The following EIF2AK4 variants were observed in gnomAD, a reference collection of about 807,000 sequenced individuals.
EIF2AK4 encodes eukaryotic translation initiation factor 2 alpha kinase 4.
In EIF2AK4, 139 loss-of-function variants were observed where a neutral mutation model predicts 211.1. The observed-to-expected ratio is 0.66, with a 90% CI of 0.57 to 0.76. The LOEUF (loss-of-function observed/expected upper bound fraction) is 0.76, where lower values mean the gene tolerates loss of function less well. Ranked by LOEUF, EIF2AK4 falls within the 30% of genes least tolerant of loss-of-function variation. The pLI, the probability that EIF2AK4 is intolerant of heterozygous loss-of-function variation, is 0.00. For missense variants in EIF2AK4, 1,664 were observed against 2,043.8 expected (o/e 0.81, Z 3.58); for synonymous variants, 710 against 751.3 (o/e 0.94, Z 0.90).
At position 39,978,013 on chromosome 15, in the gene EIF2AK4, A is replaced by G. The variant is rs7174071; in HGVS notation, c.2250-65A>G. 1 allele frequency: 1,172,397 copies of G among 1,174,752 alleles called. 585,069 individuals carry two copies. Among genetic ancestry groups the G allele is most frequent in the East Asian group, 1 (42,308 of 42,308 alleles). 72.8% of individuals were successfully genotyped at this position (1,174,752 alleles called of 1,614,324 possible). A position where few individuals can be genotyped will look rare whatever the true frequency, so the allele number is the denominator to read the frequency against. On this transcript the variant is annotated intron_variant, in intron 12 of 38. Coordinates refer to ENST00000263791, the MANE Select transcript of EIF2AK4 (RefSeq NM_001013703.4). Reference sequence around the variant, plus strand: ...CTCTTGTGCTTTCTAGTATTTAAAAATGTCCATGTTTATAATGATAATAGG... The same window carrying G: ...CTCTTGTGCTTTCTAGTATTTAAAAGTGTCCATGTTTATAATGATAATAGG...
chr15:40,017,195 A>G lies in EIF2AK4; in HGVS notation c.4018A>G (p.Arg1340Gly), dbSNP rs1486780261. The G allele has an allele frequency of 6.2e-7, 1 of 1,613,902 alleles. No individual in the cohort carries two copies. The highest frequency in any genetic ancestry group is 2.2e-5 in the East Asian group (1 of 44,862). The change falls in exon 29 of 39, where the codon AGG becomes GGG. Residue 1340 changes from arginine to glycine, a missense_variant. Coordinates refer to ENST00000263791, the MANE Select transcript of EIF2AK4 (RefSeq NM_001013703.4). ...TGTGGCTTTCATCAAACGAAGGCAA[A>G]GGGCTGTACCTGAAATCCTCGCAGC... ...QFVAFIKRRQRAVPEILAAGG... is the reference protein window; with the variant it reads ...QFVAFIKRRQGAVPEILAAGG...
chr15:40,034,217 T>C, intron 37 of EIF2AK4, 109 bp from the exon 38 acceptor site: 1 of 801,262 alleles, frequency 1.2e-6, no homozygotes, highest in East Asian at 2.5e-5. Flanking sequence ...CTGATTCTCC[T>C]GGTATACTTG....
At chr15:40,009,860 A>C (rs1210419912) in intron 26 of EIF2AK4, 130 bp downstream of exon 26, 2 of 669,668 alleles carry the variant, frequency 3.0e-6, no homozygotes, top group East Asian at 5.5e-5. Context: ...TCCTTCCTTC[A>C]TTGCTCTAAA....
intron 26 of EIF2AK4, among the ~76,000 whole-genome samples, chr15:40,010,760 T>G (rs2035224795): frequency 6.6e-6 from 1 of 152,206 alleles, no homozygotes; most frequent in African/African-American, 2.4e-5. Context: ...TACTGCTTGT[T>G]TCTTAGTGGT....
intron 23 of EIF2AK4, among the ~76,000 whole-genome samples, chr15:40,005,113 G>C (rs982163208): frequency 5.3e-5 from 8 of 152,372 alleles, no homozygotes; most frequent in Admixed American, 1.3e-4. Flanking sequence ...ATGATTTAAA[G>C]TGTACAGGAG....
At chr15:39,984,573 T>C (rs1350308857) in intron 13 of EIF2AK4, among the ~76,000 whole-genome samples, 1 of 152,244 alleles carries the variant, frequency 6.6e-6, no homozygotes, top group Non-Finnish European at 1.5e-5. Flanking sequence ...TTCACATCCC[T>C]TGTAAGTTGT....
At chr15:39,997,347 C>T (rs2035031411) in intron 19 of EIF2AK4, among the ~76,000 whole-genome samples, 1 of 152,152 alleles carries the variant, frequency 6.6e-6, no homozygotes, top group Non-Finnish European at 1.5e-5. Flanking sequence ...ACTGGTCTCT[C>T]CACTATGTTT....
intron 17 of EIF2AK4, 142 bp downstream of exon 17, chr15:39,992,371 T>G: frequency 1.6e-6 from 1 of 612,204 alleles, no homozygotes; most frequent in South Asian, 3.1e-5. Flanking sequence ...ATGGAAACGT[T>G]TTAATCTTTT....
intron 6 of EIF2AK4, among the ~76,000 whole-genome samples, chr15:39,960,182 A>G (rs1278944981): frequency 6.6e-6 from 1 of 151,662 alleles, no homozygotes; most frequent in Non-Finnish European, 1.5e-5. Context: ...AAAAAAAAAA[A>G]AGAATATGTG....
chr15:39,995,510 C>T (rs558752005), intron 18 of EIF2AK4, among the ~76,000 whole-genome samples: 14 of 152,328 alleles, frequency 9.2e-5, no homozygotes, highest in African/African-American at 2.6e-4. Context: ...CCCTTCCCAA[C>T]GCCATCTTCT....
chr15:39,986,205 A>C lies in EIF2AK4; in HGVS notation c.2403+317A>C, dbSNP rs184022416. On this transcript the variant is annotated intron_variant, in intron 14 of 38. Coordinates refer to ENST00000263791, the MANE Select transcript of EIF2AK4 (RefSeq NM_001013703.4). ...CTTGTGCCTCAGTTTCCCCATCTAT[A>C]AATTACATAATAGTAGTTCTTATAG... 1.9e-3 allele frequency among the ~76,000 whole-genome samples: 274 copies of C among 148,082 alleles called. 1 individual carries two copies. Among genetic ancestry groups the C allele is most frequent in the African/African-American group, 6.9e-3 (259 of 37,518 alleles).
chr15:39,949,279 C>T lies in EIF2AK4; in HGVS notation c.513+11C>T. 1 of 1,613,118 alleles carries T rather than the reference C, an allele frequency of 6.2e-7. No individual in the cohort carries two copies. The highest frequency in any genetic ancestry group is 8.5e-7 in the Non-Finnish European group (1 of 1,179,292). ...AAAGAAGAGCAGGAGGTGAGATGCC[C>T]TTGTCGATGTCTGTGTGCATGGCCA... On this transcript the variant is annotated intron_variant, in intron 4 of 38. Transcript: ENST00000263791.
chr15:39,953,841 C>T (rs1291592816), intron 4 of EIF2AK4, 63 bp from the exon 5 acceptor site: 18 of 1,499,524 alleles, frequency 1.2e-5, no homozygotes, highest in Non-Finnish European at 1.5e-5. Flanking sequence ...TCTGTAGTTC[C>T]ATAATTTATA....
intron 3 of EIF2AK4, among the ~76,000 whole-genome samples, chr15:39,948,827 A>G (rs181328601): frequency 6.5e-4 from 99 of 152,342 alleles, no homozygotes; most frequent in Admixed American, 4.3e-3. Context: ...TGGATTTACT[A>G]TAGAGAAAAT....
rs1044191244 is a variant in EIF2AK4 at position 40,026,751 on chromosome 15, T to A, written c.4502+662T>A. Reference sequence around the variant, plus strand: ...TTTTGTCCGTGTACTTTGAAAGATGTAACGTTCTGGGAAAAGATCTCACTT... The same window carrying A: ...TTTTGTCCGTGTACTTTGAAAGATGAAACGTTCTGGGAAAAGATCTCACTT... On this transcript the variant is annotated intron_variant, in intron 33 of 38. Transcript: ENST00000263791. 3.0e-4 allele frequency among the ~76,000 whole-genome samples: 46 copies of A among 152,354 alleles called. 1 individual carries two copies. Among genetic ancestry groups the A allele is most frequent in the Middle Eastern group, 3.4e-3 (1 of 294 alleles).
At chr15:39,971,673 C>T (rs897516269) in intron 9 of EIF2AK4, among the ~76,000 whole-genome samples, 1 of 151,408 alleles carries the variant, frequency 6.6e-6, no homozygotes, top group Non-Finnish European at 1.5e-5. Flanking sequence ...GTGATGATCG[C>T]AACACTGCTT....
chr15:40,009,506 A>T (rs2035208338), intron 25 of EIF2AK4, 108 bp from the exon 26 acceptor site: 3 of 663,870 alleles, frequency 4.5e-6, no homozygotes, highest in Non-Finnish European at 7.8e-6. Context: ...TGCTAAATTC[A>T]ATCCTTCCAT....
At chr15:40,021,880 AGCT>A (rs2035392580) in intron 31 of EIF2AK4, 1 of 152,384 alleles carries the variant, frequency 6.6e-6, no homozygotes, top group Non-Finnish European at 1.5e-5. Flanking sequence ...AGGCTTCTGA[AGCT>A]GCTGCTGTTT....
At chr15:39,978,669 A>G (rs2034735104) in intron 13 of EIF2AK4, among the ~76,000 whole-genome samples, 1 of 152,218 alleles carries the variant, frequency 6.6e-6, no homozygotes, top group African/African-American at 2.4e-5. Flanking sequence ...GTCTTGGGCC[A>G]CACATAAAAT....
Sources: gnomAD v4.1 joint callset for allele counts (sites outside exome capture counted in the v4.1 genomes callset) on GRCh38, gnomAD v4.1.1 for gene constraint, MANE v1.5 for transcripts, NCBI Gene and HGNC (gene_info 2026-07-23, HGNC 2026-07-21) for gene names.